The following CTPS2 variants were observed in gnomAD, a reference collection of about 807,000 sequenced individuals.
The protein encoded by CTPS2 is CTP synthase II.
CTPS2 carries 19 observed loss-of-function variants against 46.8 expected under a neutral mutation model. The ratio of observed to expected loss-of-function variants is 0.41; its 90% CI spans 0.28 to 0.60. The LOEUF (loss-of-function observed/expected upper bound fraction) is 0.60. Ranked by LOEUF, CTPS2 falls within the 20% of genes least tolerant of loss-of-function variation. The pLI is 0.35. For synonymous variants in CTPS2, 151 were observed against 165.2 expected (o/e 0.91, Z 0.66); for missense variants, 286 against 447.6 (o/e 0.64, Z 3.26).
intron 16 of CTPS2, among the ~76,000 whole-genome samples, chrX:16,610,925 T>G (rs918718983): frequency 1.3e-4 from 15 of 111,791 alleles, no homozygotes; most frequent in African/African-American, 4.5e-4. Flanking sequence ...TCTAAACGAA[T>G]TAACACGGAA....
At chrX:16,672,199 T>C (rs1373363028) in intron 10 of CTPS2, among the ~76,000 whole-genome samples, 1 of 111,319 alleles carries the variant, frequency 9.0e-6, no homozygotes, top group African/African-American at 3.3e-5. Context: ...TCTTTGCTGA[T>C]AGCTATGGGT....
rs755669974 is a variant in CTPS2 at position 16,691,579 on chromosome X, C to T, written c.681G>A (p.Lys227=). ...RSSTPIEMAV[K]EKISMFCHVN... Reference sequence around the variant, plus strand: ...CGTGACAAAACATAGAAATCTTCTCCTTCACGGCCATCTCAATGGGCGTTG... The same window carrying T: ...CGTGACAAAACATAGAAATCTTCTCTTTCACGGCCATCTCAATGGGCGTTG... Residue 227 remains lysine (K), a synonymous_variant, in exon 7 of 19, where the codon AAG becomes AAA. Transcript: ENST00000359276. The T allele has an allele frequency of 1.7e-6, 2 of 1,211,558 alleles. No homozygotes were observed. The highest frequency in any genetic ancestry group is 3.0e-5 in the East Asian group (1 of 33,852).
chrX:16,657,613 T>C (rs1263349409), intron 13 of CTPS2, among the ~76,000 whole-genome samples: 1 of 111,858 alleles, frequency 8.9e-6, no homozygotes, highest in Non-Finnish European at 1.9e-5. Flanking sequence ...CACTATTCAC[T>C]TGACAAATTC....
chrX:16,625,794 A>G (rs753851266), intron 14 of CTPS2, among the ~76,000 whole-genome samples: 3 of 110,164 alleles, frequency 2.7e-5, no homozygotes, highest in Non-Finnish European at 3.8e-5. Context: ...TCTCCTCTCC[A>G]ATGGTCCCCA....
intron 17 of CTPS2, among the ~76,000 whole-genome samples, chrX:16,609,029 A>T (rs973664954): frequency 1.8e-5 from 2 of 111,821 alleles, no homozygotes; most frequent in African/African-American, 6.5e-5. Context: ...ATACATTTTT[A>T]AAAAACATAA....
At chrX:16,674,570 G>A (rs1375533078) in intron 10 of CTPS2, among the ~76,000 whole-genome samples, 2 of 111,089 alleles carry the variant, frequency 1.8e-5, no homozygotes, top group African/African-American at 6.5e-5. Flanking sequence ...CGGGCATGGT[G>A]GCTCACACCT....
intron 13 of CTPS2, among the ~76,000 whole-genome samples, chrX:16,664,442 A>C (rs1461283891): frequency 9.0e-6 from 1 of 111,639 alleles, no homozygotes; most frequent in Non-Finnish European, 1.9e-5. Context: ...GTTACAAGCT[A>C]TAAAAAAAAA....
intron 3 of CTPS2, among the ~76,000 whole-genome samples, 156 bp downstream of exon 3, chrX:16,698,767 T>A (rs1480567466): frequency 9.0e-6 from 1 of 111,554 alleles, no homozygotes; most frequent in East Asian, 2.8e-4. Context: ...GTCAGGCTGG[T>A]CTCGAACTCC....
At chrX:16,678,520 A>C (rs1922467656) in intron 9 of CTPS2, 70 bp from the exon 10 acceptor site, 1 of 614,914 alleles carries the variant, frequency 1.6e-6, no homozygotes, top group Admixed American at 2.8e-5. Flanking sequence ...GCAGCCATCT[A>C]ATACTATGAC....
chrX:16,625,465 C>G (rs752672852), intron 14 of CTPS2, among the ~76,000 whole-genome samples: 1 of 111,635 alleles, frequency 9.0e-6, no homozygotes, highest in African/African-American at 3.3e-5. Flanking sequence ...GGATCCAGGG[C>G]GAACACTTTT....
chrX:16,688,863 G>C (rs888192666), intron 8 of CTPS2, among the ~76,000 whole-genome samples: 16 of 111,069 alleles, frequency 1.4e-4, no homozygotes, highest in African/African-American at 4.9e-4. Context: ...GGAGGCCAAG[G>C]TGGGCAGATC....
rs768155926 is a variant in CTPS2 at position 16,693,174 on chromosome X, G to A, written c.606C>T (p.Arg202=). 6.6e-6 allele frequency: 8 copies of A among 1,207,707 alleles called. No homozygotes were observed. The highest frequency in any genetic ancestry group is 3.0e-5 in the East Asian group (1 of 33,720). ...QKTKPTQNSV[R]ALRGLGLSPD... is the part of the protein sequence containing the mutation. The stretch of plus-strand genomic sequence containing the variant: ...GAGACAGGCCTAAACCCCTCAGTGC[G>A]CGGACGCTGTTTTGGGTGGGTTTGG... Residue 202 remains arginine (R), a synonymous_variant, in exon 6 of 19, where the codon CGC becomes CGT. Transcript: ENST00000359276.
At chrX:16,652,519 T>C (rs974975915) in intron 13 of CTPS2, among the ~76,000 whole-genome samples, 10 of 112,412 alleles carry the variant, frequency 8.9e-5, no homozygotes, top group Non-Finnish European at 1.9e-4. Flanking sequence ...AAAAGGGACT[T>C]TTTAATTAAA....
intron 14 of CTPS2, among the ~76,000 whole-genome samples, chrX:16,634,084 TAGAC>T (rs1267578328): frequency 4.5e-5 from 5 of 111,640 alleles, no homozygotes; most frequent in African/African-American, 1.6e-4. Flanking sequence ...GCACAGATCA[TAGAC>T]AGGAAGACCA....
chrX:16,699,082 C>A lies in CTPS2; in HGVS notation c.178G>T (p.Val60Phe). The A allele has an allele frequency of 8.7e-7, 1 of 1,150,249 alleles. No homozygotes were observed. Among genetic ancestry groups the A allele is most frequent in the Non-Finnish European group, 1.2e-6 (1 of 869,456 alleles). 94.8% of individuals were successfully genotyped at this position (1,150,249 alleles called of 1,213,427 possible). The change falls in exon 3 of 19, where the codon GTC becomes TTC. Residue 60 changes from valine (V) to phenylalanine (F), a missense_variant. Physicochemically the swap from Val to Phe is conservative, Grantham distance 50. Transcript: ENST00000359276. ...FSPYEHGEVF[V>F]LNDGGEVDLD... ...TCAACTTCTCCACCATCATTTAAGA[C>A]GAAGACTTCACCTAGGATTAAAAAG...
At chrX:16,663,888 T>C (rs1033579030) in intron 13 of CTPS2, among the ~76,000 whole-genome samples, 1 of 110,675 alleles carries the variant, frequency 9.0e-6, no homozygotes. Flanking sequence ...CAGGCTGGAG[T>C]ACAGTGGTGC....
chrX:16,656,604 C>G (rs1932827095), intron 13 of CTPS2, among the ~76,000 whole-genome samples: 1 of 111,198 alleles, frequency 9.0e-6, no homozygotes, highest in Non-Finnish European at 1.9e-5. Context: ...TTAGTAGAGA[C>G]AGGGTTTCAC....
intron 13 of CTPS2, among the ~76,000 whole-genome samples, chrX:16,656,598 TAG>T (rs1263097182): frequency 9.0e-6 from 1 of 111,089 alleles, no homozygotes; most frequent in African/African-American, 3.3e-5. Context: ...GTGTTTTTAG[TAG>T]AGACAGGGTT....
intron 15 of CTPS2, 111 bp from the exon 16 acceptor site, chrX:16,617,357 G>C (rs1433003863): frequency 6.7e-6 from 3 of 449,480 alleles, no homozygotes; most frequent in Non-Finnish European, 1.1e-5. Flanking sequence ...CTAACTAGTA[G>C]TTAATGTCTA....
Sources: gnomAD v4.1 joint callset for allele counts (sites outside exome capture counted in the v4.1 genomes callset) on GRCh38, gnomAD v4.1.1 for gene constraint, MANE v1.5 for transcripts, NCBI Gene and HGNC (gene_info 2026-07-23, HGNC 2026-07-21) for gene names.